Variants in RNF121 observed in about 807,000 individuals in gnomAD.
RNF121 encodes the protein ring finger protein 121.
A neutral mutation model predicts 46.5 loss-of-function variants in RNF121; 21 were observed. The ratio of observed to expected loss-of-function variants is 0.45; its 90% confidence interval spans 0.32 to 0.65. The LOEUF is 0.65. RNF121 is among the 30% of genes least tolerant of loss of function. RNF121 has a pLI of 0.04. For missense variants in RNF121, 346 were observed against 416.0 expected (o/e 0.83, Z 1.46); for synonymous variants, 139 against 144.7 (o/e 0.96, Z 0.28).
intron 2 of RNF121, among the ~76,000 whole-genome samples, chr11:71,957,851 G>A (rs754649784): frequency 6.6e-6 from 1 of 152,174 alleles, no homozygotes; most frequent in African/African-American, 2.4e-5. Context: ...GGGTTTCAGA[G>A]TGCCTGCCCC....
intron 5 of RNF121, among the ~76,000 whole-genome samples, chr11:71,987,872 T>C (rs7102523): frequency 0.92 from 140,551 of 152,200 alleles, 65,171 homozygotes; most frequent in Non-Finnish European, 0.98. Flanking sequence ...GGGAATGAGA[T>C]GACACAGATG....
At chr11:71,962,471 G>A (rs1305067702) in intron 3 of RNF121, among the ~76,000 whole-genome samples, 1 of 152,032 alleles carries the variant, frequency 6.6e-6, no homozygotes, top group Admixed American at 6.6e-5. Context: ...GAAATCTCTA[G>A]GACTCATCAT....
chr11:71,980,325 GTTTC>G (rs1258121892), intron 3 of RNF121, among the ~76,000 whole-genome samples: 1 of 143,598 alleles, frequency 7.0e-6, no homozygotes, highest in Admixed American at 7.3e-5. Context: ...TCTTCTCACT[GTTTC>G]TTTTTTCCTG....
intron 1 of RNF121, among the ~76,000 whole-genome samples, chr11:71,934,224 C>T (rs1006819527): frequency 9.2e-5 from 14 of 152,230 alleles, no homozygotes; most frequent in East Asian, 7.7e-4. Flanking sequence ...ACTTCTGAAA[C>T]GTCTGTGTGC....
intron 6 of RNF121, among the ~76,000 whole-genome samples, chr11:71,993,963 C>T (rs1458117952): frequency 6.6e-6 from 1 of 151,618 alleles, no homozygotes; most frequent in Non-Finnish European, 1.5e-5. Flanking sequence ...GCCTCAGCCT[C>T]CTGAGTAGCT....
At chr11:71,931,228 A>G (rs1953271197) in intron 1 of RNF121, among the ~76,000 whole-genome samples, 1 of 152,204 alleles carries the variant, frequency 6.6e-6, no homozygotes, top group Non-Finnish European at 1.5e-5. Flanking sequence ...GTAGTATAAT[A>G]GACTTTACAG....
At chr11:71,933,288 TTTA>T (rs1953320487) in intron 1 of RNF121, among the ~76,000 whole-genome samples, 12 of 152,330 alleles carry the variant, frequency 7.9e-5, no homozygotes, top group African/African-American at 2.4e-4. Context: ...TCAAGTCCTA[TTTA>T]TCTGCCAAAA....
chr11:71,977,417 C>G (rs1590804595), intron 3 of RNF121, among the ~76,000 whole-genome samples: 1 of 152,204 alleles, frequency 6.6e-6, no homozygotes, highest in South Asian at 2.1e-4. Flanking sequence ...TTGATTCCAT[C>G]TCTACCAACA....
At chr11:71,980,246 G>A (rs1280999552) in intron 3 of RNF121, among the ~76,000 whole-genome samples, 4 of 152,102 alleles carry the variant, frequency 2.6e-5, no homozygotes, top group Non-Finnish European at 5.9e-5. Context: ...CAGTACCCTC[G>A]GGTACACAGA....
intron 3 of RNF121, among the ~76,000 whole-genome samples, chr11:71,968,805 A>G (rs1239887759): frequency 6.6e-6 from 1 of 151,644 alleles, no homozygotes; most frequent in East Asian, 1.9e-4. Flanking sequence ...TAAACTCCCT[A>G]TGATCTGGGA....
intron 3 of RNF121, chr11:71,978,114 T>C: frequency 2.4e-6 from 1 of 415,874 alleles, no homozygotes; most frequent in South Asian, 1.6e-5. Flanking sequence ...TTGCCCAGGC[T>C]GGTCTCAAGC....
chr11:71,955,178 G>A (rs561468153), intron 1 of RNF121, among the ~76,000 whole-genome samples: 1 of 152,262 alleles, frequency 6.6e-6, no homozygotes, highest in African/African-American at 2.4e-5. Flanking sequence ...GAGAGTGAGT[G>A]CTTCCTTAAA....
At chr11:71,969,176 C>G (rs753732009) in intron 3 of RNF121, among the ~76,000 whole-genome samples, 1 of 152,020 alleles carries the variant, frequency 6.6e-6, no homozygotes, top group Non-Finnish European at 1.5e-5. Flanking sequence ...CGTGAGCCAC[C>G]GTGCCTGGCC....
intron 3 of RNF121, among the ~76,000 whole-genome samples, chr11:71,971,213 A>G (rs889691626): frequency 1.3e-5 from 2 of 152,028 alleles, no homozygotes; most frequent in African/African-American, 2.4e-5. Flanking sequence ...GTCAAACCCT[A>G]TCTCTACAAA....
At chr11:71,946,090 A>G (rs992549085) in intron 1 of RNF121, among the ~76,000 whole-genome samples, 2 of 152,046 alleles carry the variant, frequency 1.3e-5, no homozygotes, top group Non-Finnish European at 2.9e-5. Context: ...CAGCCTGGGT[A>G]ACAGAGTAAG....
intron 1 of RNF121, among the ~76,000 whole-genome samples, chr11:71,950,657 CT>C (rs902209306): frequency 1.3e-5 from 2 of 150,862 alleles, no homozygotes. Context: ...AGGCATCTTA[CT>C]TTTTTTTTGT....
chr11:71,968,371 C>T (rs893898138), intron 3 of RNF121, among the ~76,000 whole-genome samples: 2 of 152,102 alleles, frequency 1.3e-5, no homozygotes, highest in Non-Finnish European at 2.9e-5. Context: ...AATTTATGAA[C>T]GATCTTGTTG....
intron 4 of RNF121, chr11:71,983,852 T>G (rs1175167283): frequency 1.3e-5 from 2 of 152,368 alleles, no homozygotes; most frequent in Non-Finnish European, 2.9e-5. Flanking sequence ...TGATCCAAAG[T>G]CTTTCAAATT....
At chr11:71,962,368 A>G in intron 3 of RNF121, 1 of 837,298 alleles carries the variant, frequency 1.2e-6, no homozygotes, top group Middle Eastern at 6.1e-4. Flanking sequence ...TTTAAACATT[A>G]TCTTAAGGAA....
Sources: allele counts gnomAD v4.1 joint callset (sites outside exome capture counted in the v4.1 genomes callset), GRCh38; gene constraint gnomAD v4.1.1; transcripts MANE v1.5; gene names NCBI Gene and HGNC (gene_info 2026-07-23, HGNC 2026-07-21).